Variants in TMEM135 observed in about 807,000 individuals in gnomAD.
The protein encoded by TMEM135 is peroxisomal membrane protein 52.
A neutral mutation model predicts 60.3 loss-of-function variants in TMEM135; 30 were observed. That is an observed-to-expected ratio of 0.50 (90% CI 0.37 to 0.68). The LOEUF (loss-of-function observed/expected upper bound fraction) is 0.68, where lower values mean the gene tolerates loss of function less well. TMEM135 is among the 30% of genes least tolerant of loss of function. The probability of loss-of-function intolerance (pLI) is 0.00; values close to 1 mark genes in which losing one functional copy is unlikely to be tolerated. For missense variants in TMEM135, 468 were observed against 548.8 expected (o/e 0.85, Z 1.47); for synonymous variants, 190 against 186.7 (o/e 1.02, Z -0.14).
At chr11:87,057,542 A>G (rs1949905110) in intron 1 of TMEM135, among the ~76,000 whole-genome samples, 1 of 152,146 alleles carries the variant, frequency 6.6e-6, no homozygotes, top group South Asian at 2.1e-4. Context: ...CGATTTCTTC[A>G]TTTATAAGTA....
intron 4 of TMEM135, among the ~76,000 whole-genome samples, chr11:87,151,001 C>A (rs1591058338): frequency 6.6e-6 from 1 of 151,940 alleles, no homozygotes; most frequent in African/African-American, 2.4e-5. Context: ...AATTCCTTAC[C>A]TTCCAAATTT....
intron 5 of TMEM135, among the ~76,000 whole-genome samples, chr11:87,184,021 C>T (rs958344487): frequency 6.7e-6 from 1 of 148,526 alleles, no homozygotes; most frequent in Non-Finnish European, 1.5e-5. Context: ...GTTCTAAGAG[C>T]ACGTTCAGTG....
chr11:87,078,716 C>T (rs911767045), intron 3 of TMEM135, among the ~76,000 whole-genome samples: 1 of 151,904 alleles, frequency 6.6e-6, no homozygotes, highest in African/African-American at 2.4e-5. Context: ...TGGGTTAAAG[C>T]AATTCCCCTG....
At chr11:87,213,005 A>T (rs1038132198) in intron 5 of TMEM135, among the ~76,000 whole-genome samples, 4 of 152,060 alleles carry the variant, frequency 2.6e-5, no homozygotes, top group Non-Finnish European at 4.4e-5. Context: ...ACTTTAACTC[A>T]TCTTTCTCTG....
chr11:87,246,523 C>G (rs1268285165), intron 6 of TMEM135, among the ~76,000 whole-genome samples: 2 of 152,114 alleles, frequency 1.3e-5, no homozygotes, highest in East Asian at 1.9e-4. Flanking sequence ...TCACATAGTC[C>G]CATATTTCTT....
chr11:87,234,787 A>G (rs1171530997), intron 5 of TMEM135, among the ~76,000 whole-genome samples: 1 of 152,030 alleles, frequency 6.6e-6, no homozygotes, highest in Admixed American at 6.6e-5. Context: ...TAAACATTGT[A>G]CTTTTTCTCA....
intron 5 of TMEM135, among the ~76,000 whole-genome samples, chr11:87,229,729 A>C (rs1414859779): frequency 6.6e-6 from 1 of 152,148 alleles, no homozygotes; most frequent in Non-Finnish European, 1.5e-5. Context: ...TGCTTTGTGT[A>C]TGTAAAATTG....
At chr11:87,293,723 G>A (rs1942305272) in intron 6 of TMEM135, among the ~76,000 whole-genome samples, 2 of 152,146 alleles carry the variant, frequency 1.3e-5, no homozygotes, top group African/African-American at 2.4e-5. Flanking sequence ...GTATTCCATG[G>A]TGTATATGTA....
Position 87,306,368 on chromosome 11 carries a change from C to T in TMEM135, c.768+363C>T, listed in dbSNP as rs1431348801. On this transcript the variant is annotated intron_variant, in intron 9 of 14. Transcript: ENST00000305494. ...TTAGAACAAGACTCTGACTCCCAGACTGTGCTGTGTGCTAGCTGGATCAGC... is the reference window on the plus strand; with the variant it reads ...TTAGAACAAGACTCTGACTCCCAGATTGTGCTGTGTGCTAGCTGGATCAGC... Among the ~76,000 whole-genome samples the T allele has an allele frequency of 3.9e-5, 6 of 152,226 alleles. No homozygotes were observed. The East Asian group carries it at 1.2e-3, about 29-fold the overall frequency.
chr11:87,080,572 T>C (rs573864469), intron 3 of TMEM135, among the ~76,000 whole-genome samples: 2 of 152,370 alleles, frequency 1.3e-5, no homozygotes, highest in African/African-American at 4.8e-5. Context: ...ACATGCACTT[T>C]TTTTTTGTTA....
chr11:87,042,146 T>C (rs1382995931), intron 1 of TMEM135, among the ~76,000 whole-genome samples: 3 of 152,210 alleles, frequency 2.0e-5, no homozygotes, highest in African/African-American at 7.2e-5. Context: ...AAATTATCTG[T>C]TTTTATGCTT....
chr11:87,278,874 A>G (rs11235077), intron 6 of TMEM135, among the ~76,000 whole-genome samples: 2,497 of 152,240 alleles, frequency 0.016, 75 homozygotes, highest in African/African-American at 0.056. Context: ...CCCTGATAGC[A>G]GGAACAGATG....
chr11:87,045,282 G>T (rs1286367926), intron 1 of TMEM135, among the ~76,000 whole-genome samples: 2 of 149,546 alleles, frequency 1.3e-5, no homozygotes, highest in Non-Finnish European at 3.0e-5. Context: ...CGCCCGCCTC[G>T]GCCTCCCAAA....
chr11:87,309,499 C>T lies in TMEM135; in HGVS notation c.769-6C>T, dbSNP rs114310253. On this transcript the variant is annotated splice_polypyrimidine_tract_variant and splice_region_variant and intron_variant, in intron 9 of 14. Coordinates refer to ENST00000305494, the MANE Select transcript of TMEM135 (RefSeq NM_022918.4). ...TAAATCAGGTTTTTCTCCAAATTTC[C>T]TCTAGGGTTTCATCAGAATGTTTAG... is the stretch of plus-strand genomic sequence containing the variant. The T allele has an allele frequency of 1.2e-4, 187 of 1,613,416 alleles. No homozygotes were observed. In the African/African-American group the frequency reaches 2.2e-3, roughly 19 times the overall value.
intron 6 of TMEM135, among the ~76,000 whole-genome samples, chr11:87,286,928 T>C (rs777178573): frequency 6.6e-6 from 1 of 152,228 alleles, no homozygotes; most frequent in Non-Finnish European, 1.5e-5. Context: ...TTAATTTTGT[T>C]CACATAAAAT....
intron 1 of TMEM135, among the ~76,000 whole-genome samples, chr11:87,061,569 G>A (rs1423637440): frequency 6.6e-6 from 1 of 152,186 alleles, no homozygotes; most frequent in African/African-American, 2.4e-5. Context: ...TCACCCTTTA[G>A]AAATGTATTC....
At chr11:87,235,148 A>G (rs1940968681) in intron 5 of TMEM135, among the ~76,000 whole-genome samples, 1 of 152,020 alleles carries the variant, frequency 6.6e-6, no homozygotes, top group Non-Finnish European at 1.5e-5. Context: ...ACTTCAATTT[A>G]TAATCAATTA....
chr11:87,189,183 T>TTTCCCTTTCCTTTCCCCTTCCCTTTCC (rs1939738483), intron 5 of TMEM135, among the ~76,000 whole-genome samples: 1 of 151,600 alleles, frequency 6.6e-6, no homozygotes, highest in African/African-American at 2.4e-5. Flanking sequence ...CTTTGCTTTC[T>TTTCCCTTTCCTTTCCCCTTCCCTTTCC]TTCTTCTCAC....
chr11:87,073,120 C>T (rs747490794), intron 3 of TMEM135, among the ~76,000 whole-genome samples: 8 of 152,162 alleles, frequency 5.3e-5, no homozygotes, highest in African/African-American at 1.9e-4. Flanking sequence ...ACTGAAACCT[C>T]CTACTCCCTG....
Sources: allele counts gnomAD v4.1 joint callset (sites outside exome capture counted in the v4.1 genomes callset), GRCh38; gene constraint gnomAD v4.1.1; transcripts MANE v1.5; gene names NCBI Gene and HGNC (gene_info 2026-07-23, HGNC 2026-07-21).